Variants in DUSP13B observed in about 807,000 individuals in gnomAD.
DUSP13B encodes dual specificity phosphatase 13B, also known as dual specificity protein phosphatase 13B.
At chr10:75,097,623 AG>A in the DUSP13B span, 6 of 1,330,926 alleles carry the variant, frequency 4.5e-6, no homozygotes, top group African/African-American at 9.0e-5. Context: ...CCTCTGCCCT[AG>A]AGGGCTCTGA....
chr10:75,102,243 G>A, the DUSP13B span, among the ~76,000 whole-genome samples: 3 of 152,280 alleles, frequency 2.0e-5, no homozygotes, highest in African/African-American at 4.8e-5. Context: ...TTGGGAAACC[G>A]AGGAGGGTGG....
At chr10:75,101,755 A>G in the DUSP13B span, 4 of 632,656 alleles carry the variant, frequency 6.3e-6, no homozygotes, top group Non-Finnish European at 1.1e-5. Flanking sequence ...TCGGTTCTCT[A>G]CCCAACCCAA....
the DUSP13B span, chr10:75,097,870 C>T: frequency 6.2e-7 from 1 of 1,608,216 alleles, no homozygotes; most frequent in Non-Finnish European, 8.5e-7. Flanking sequence ...GGTCCTGCTT[C>T]TGCAGTGAGT....
chr10:75,106,581 C>T, the DUSP13B span, among the ~76,000 whole-genome samples: 33 of 152,318 alleles, frequency 2.2e-4, 1 homozygote, highest in South Asian at 6.6e-3. Flanking sequence ...GTCCCCCCAC[C>T]TTCCCGATCC....
chr10:75,106,708 G>A, the DUSP13B span, among the ~76,000 whole-genome samples: 2 of 152,228 alleles, frequency 1.3e-5, no homozygotes, highest in African/African-American at 4.8e-5. Flanking sequence ...TTCCAAGAGG[G>A]CAGGGATCCT....
the DUSP13B span, chr10:75,108,176 C>A: frequency 1.2e-6 from 2 of 1,611,404 alleles, no homozygotes; most frequent in Non-Finnish European, 1.7e-6. Context: ...TGATGCCCAG[C>A]TTCCACAGCT....
At chr10:75,101,776 T>G in the DUSP13B span, 74 of 394,802 alleles carry the variant, frequency 1.9e-4, no homozygotes, top group Non-Finnish European at 3.5e-4. Flanking sequence ...ACCCCACCCC[T>G]CCCCACACAG....
chr10:75,108,297 G>A, the DUSP13B span: 6 of 1,503,158 alleles, frequency 4.0e-6, no homozygotes, highest in Admixed American at 4.5e-5. Flanking sequence ...CAGAGGGACC[G>A]AGCCATTAGG....
the DUSP13B span, among the ~76,000 whole-genome samples, chr10:75,096,364 C>T: frequency 0.28 from 42,445 of 151,272 alleles, 6,233 homozygotes; most frequent in South Asian, 0.47. Flanking sequence ...ATTCATTGAG[C>T]TCAGGAGTTC....
chr10:75,100,586 A>G, the DUSP13B span, among the ~76,000 whole-genome samples: 4 of 152,072 alleles, frequency 2.6e-5, no homozygotes, highest in Non-Finnish European at 5.9e-5. Flanking sequence ...GCACAGGCCC[A>G]ACGTCCAGCA....
At chr10:75,100,120 C>T in the DUSP13B span, among the ~76,000 whole-genome samples, 3 of 152,102 alleles carry the variant, frequency 2.0e-5, no homozygotes, top group Non-Finnish European at 2.9e-5. Flanking sequence ...GAGGCTGCCC[C>T]CTGGTGGCCA....
At chr10:75,105,096 C>A in the DUSP13B span, among the ~76,000 whole-genome samples, 8 of 152,238 alleles carry the variant, frequency 5.3e-5, no homozygotes, top group African/African-American at 1.9e-4. Context: ...TGGAGGCAGG[C>A]CCTGCTGGGT....
chr10:75,097,843 G>A, the DUSP13B span: 1 of 1,612,980 alleles, frequency 6.2e-7, no homozygotes, highest in East Asian at 2.2e-5. Context: ...CTGCCCCATG[G>A]ATCTTGGGCC....
At chr10:75,101,339 C>T in the DUSP13B span, among the ~76,000 whole-genome samples, 5 of 152,166 alleles carry the variant, frequency 3.3e-5, no homozygotes, top group African/African-American at 1.2e-4. Flanking sequence ...ATAAATGGCA[C>T]GTCTTACTAT....
the DUSP13B span, chr10:75,097,564 T>C: frequency 1.4e-6 from 1 of 717,558 alleles, no homozygotes; most frequent in South Asian, 3.7e-5. Context: ...AGTAATAATA[T>C]AAAAGGAAAG....
At chr10:75,103,866 C>A in the DUSP13B span, 2 of 1,289,702 alleles carry the variant, frequency 1.6e-6, no homozygotes, top group Non-Finnish European at 2.0e-6. Flanking sequence ...AGCCTGAGGG[C>A]TTGGCTGAGA....
At chr10:75,108,402 G>T in the DUSP13B span, 2 of 1,025,610 alleles carry the variant, frequency 2.0e-6, no homozygotes, top group Non-Finnish European at 2.7e-6. Context: ...CTGAGCCGGC[G>T]GTGTGTGTGT....
At chr10:75,104,465 T>C in the DUSP13B span, among the ~76,000 whole-genome samples, 1 of 152,140 alleles carries the variant, frequency 6.6e-6, no homozygotes, top group African/African-American at 2.4e-5. Context: ...TTCCCCAAAG[T>C]CAGCTGCCTG....
At chr10:75,103,380 C>T in the DUSP13B span, among the ~76,000 whole-genome samples, 1 of 152,068 alleles carries the variant, frequency 6.6e-6, no homozygotes, top group Non-Finnish European at 1.5e-5. Context: ...CTTCAGACAG[C>T]CCTGGGCTGC....
Sources: allele counts gnomAD v4.1 joint callset (sites outside exome capture counted in the v4.1 genomes callset), GRCh38; gene constraint gnomAD v4.1.1; transcripts MANE v1.5; gene names NCBI Gene and HGNC (gene_info 2026-07-23, HGNC 2026-07-21).